The following ESRRG variants were observed in gnomAD, a reference collection of about 807,000 sequenced individuals.
ESRRG encodes the protein estrogen-related receptor gamma.
Under a neutral mutation model 44.0 loss-of-function variants are expected in ESRRG, and 13 were observed. The observed-to-expected ratio is 0.30, with a 90% confidence interval of 0.19 to 0.47. The LOEUF is 0.47. ESRRG is among the 20% of genes least tolerant of loss of function. ESRRG has a pLI of 1.00. For missense variants in ESRRG, 395 were observed against 580.6 expected (o/e 0.68, Z 3.29); for synonymous variants, 215 against 214.6 (o/e 1.00, Z -0.02).
At chr1:216,869,243 G>A (rs2096223395) in intron 2 of ESRRG, among the ~76,000 whole-genome samples, 1 of 151,998 alleles carries the variant, frequency 6.6e-6, no homozygotes, top group Admixed American at 6.6e-5. Context: ...GTTAATTTTT[G>A]TATAAGATGT....
At chr1:216,664,993 G>A (rs2073534509) in intron 2 of ESRRG, among the ~76,000 whole-genome samples, 1 of 152,126 alleles carries the variant, frequency 6.6e-6, no homozygotes. Context: ...GCCAAGAGAG[G>A]AATGCACAAA....
chr1:216,983,686 ATGTGTGTGTGTGTGTG>A (rs6143621), intron 1 of ESRRG, among the ~76,000 whole-genome samples: 5 of 149,354 alleles, frequency 3.3e-5, no homozygotes, highest in African/African-American at 7.4e-5. Context: ...GTGCATGTGC[ATGTGTGTGTGTGTGTG>A]TGTGTGTGTG....
chr1:216,778,794 A>G (rs1270975002), intron 2 of ESRRG, among the ~76,000 whole-genome samples: 1 of 151,978 alleles, frequency 6.6e-6, no homozygotes, highest in Non-Finnish European at 1.5e-5. Flanking sequence ...AGAAGTATCT[A>G]ACTTCATTGT....
intron 3 of ESRRG, among the ~76,000 whole-genome samples, chr1:216,633,790 C>T (rs1451792095): frequency 6.6e-6 from 1 of 152,142 alleles, no homozygotes; most frequent in Non-Finnish European, 1.5e-5. Flanking sequence ...GCTTTCATGA[C>T]ATTTTATTCT....
At chr1:216,591,392 A>G (rs2057643600) in intron 3 of ESRRG, among the ~76,000 whole-genome samples, 1 of 152,212 alleles carries the variant, frequency 6.6e-6, no homozygotes, top group Non-Finnish European at 1.5e-5. Context: ...AGTCAGGCTT[A>G]TGGGACTGAG....
At chr1:216,878,681 C>A (rs2096395563) in intron 2 of ESRRG, among the ~76,000 whole-genome samples, 2 of 152,232 alleles carry the variant, frequency 1.3e-5, no homozygotes, top group South Asian at 4.1e-4. Flanking sequence ...TTTTTTGGTG[C>A]CACCTTTAGT....
intron 2 of ESRRG, among the ~76,000 whole-genome samples, chr1:216,873,424 C>G (rs1273344368): frequency 6.6e-6 from 1 of 151,920 alleles, no homozygotes; most frequent in East Asian, 1.9e-4. Flanking sequence ...ATTGGCCAGG[C>G]TGGTCTCGAA....
intron 1 of ESRRG, among the ~76,000 whole-genome samples, chr1:216,709,089 T>G (rs2083035829): frequency 6.6e-6 from 1 of 152,064 alleles, no homozygotes; most frequent in East Asian, 1.9e-4. Context: ...AAGGGAGGGA[T>G]AGCATTAGGA....
intron 1 of ESRRG, among the ~76,000 whole-genome samples, chr1:217,039,065 T>G (rs2083394362): frequency 6.6e-6 from 1 of 152,216 alleles, no homozygotes; most frequent in African/African-American, 2.4e-5. Context: ...GAGTCACGTT[T>G]GCTCCAGTTC....
intron 1 of ESRRG, among the ~76,000 whole-genome samples, chr1:216,708,591 TA>T (rs983784232): frequency 2.0e-5 from 3 of 152,100 alleles, no homozygotes; most frequent in African/African-American, 7.2e-5. Flanking sequence ...TGTGGAGAAA[TA>T]GGAACGCTTT....
At chr1:216,705,303 G>A (rs1391272325) in intron 1 of ESRRG, among the ~76,000 whole-genome samples, 3 of 151,528 alleles carry the variant, frequency 2.0e-5, no homozygotes, top group Admixed American at 6.6e-5. Flanking sequence ...CCACATAAAC[G>A]AATATAATTG....
At chr1:216,908,210 T>A (rs575404840) in intron 2 of ESRRG, among the ~76,000 whole-genome samples, 1 of 152,344 alleles carries the variant, frequency 6.6e-6, no homozygotes, top group African/African-American at 2.4e-5. Context: ...AACCCTGGGA[T>A]GAGGTCTGCC....
At chr1:216,678,917 C>T (rs1358290615) in intron 1 of ESRRG, among the ~76,000 whole-genome samples, 2 of 152,196 alleles carry the variant, frequency 1.3e-5, no homozygotes, top group Non-Finnish European at 1.5e-5. Flanking sequence ...TTCATGCCCT[C>T]CTCCAGGTCC....
intron 5 of ESRRG, among the ~76,000 whole-genome samples, chr1:216,521,090 T>C (rs951104454): frequency 2.6e-5 from 4 of 152,296 alleles, no homozygotes; most frequent in Middle Eastern, 3.4e-3. Flanking sequence ...TTTCTTTCGT[T>C]GTTTATCATG....
chr1:216,595,868 G>A (rs974969424), intron 3 of ESRRG, among the ~76,000 whole-genome samples: 10 of 152,148 alleles, frequency 6.6e-5, no homozygotes, highest in African/African-American at 2.4e-4. Context: ...AAAACTATAG[G>A]ACTTTAAGAA....
intron 5 of ESRRG, among the ~76,000 whole-genome samples, chr1:216,550,392 A>G (rs1018748170): frequency 2.9e-4 from 44 of 152,270 alleles, no homozygotes; most frequent in African/African-American, 1.1e-3. Flanking sequence ...ATCATGTCTG[A>G]TGGATTGATT....
intron 2 of ESRRG, among the ~76,000 whole-genome samples, chr1:216,812,483 T>A (rs560660578): frequency 6.6e-6 from 1 of 151,936 alleles, no homozygotes; most frequent in Admixed American, 6.6e-5. Context: ...ATAATGAACA[T>A]GGCAAAAAAA....
intron 2 of ESRRG, among the ~76,000 whole-genome samples, chr1:216,919,763 G>A (rs1040755624): frequency 3.3e-5 from 5 of 152,134 alleles, no homozygotes; most frequent in African/African-American, 1.2e-4. Flanking sequence ...TGAATTTTAA[G>A]CAGAACCATG....
At chr1:216,873,768 T>G (rs914966045) in intron 2 of ESRRG, among the ~76,000 whole-genome samples, 5 of 150,672 alleles carry the variant, frequency 3.3e-5, no homozygotes, top group Non-Finnish European at 7.4e-5. Flanking sequence ...AGAAGAAGTC[T>G]CCTCTTCCTC....
Sources: gnomAD v4.1 joint callset for allele counts (sites outside exome capture counted in the v4.1 genomes callset) on GRCh38, gnomAD v4.1.1 for gene constraint, MANE v1.5 for transcripts, NCBI Gene and HGNC (gene_info 2026-07-23, HGNC 2026-07-21) for gene names.